Variants in FAM76B observed in about 807,000 individuals in gnomAD.
The protein encoded by FAM76B is protein FAM76B.
A neutral mutation model predicts 51.8 loss-of-function variants in FAM76B; 16 were observed. That is an observed-to-expected ratio of 0.31 (90% CI 0.21 to 0.47). FAM76B has a LOEUF of 0.47. Among genes scored for constraint, FAM76B ranks in the 20% least tolerant of loss-of-function variants. FAM76B has a pLI of 1.00. For missense variants in FAM76B, 342 were observed against 392.6 expected (o/e 0.87, Z 1.09); for synonymous variants, 166 against 129.5 (o/e 1.28, Z -1.91).
At chr11:95,780,276 T>C (rs1860197897) in intron 5 of FAM76B, among the ~76,000 whole-genome samples, 1 of 151,864 alleles carries the variant, frequency 6.6e-6, no homozygotes. Flanking sequence ...AGACACAAAA[T>C]TTGTATCTTT....
chr11:95,789,532 G>C lies in FAM76B; in HGVS notation c.-54C>G. 1 of 1,524,432 alleles carries C rather than the reference G, an allele frequency of 6.6e-7. No homozygotes were observed. Among genetic ancestry groups the C allele is most frequent in the Non-Finnish European group, 8.9e-7 (1 of 1,128,050 alleles). 94.4% of individuals were successfully genotyped at this position (1,524,432 alleles called of 1,614,324 possible). ...CGCCCGCTCCGAGGCGGGGCCCTAC[G>C]GAGAACCCGAGAGCCGCCGCCGCCC... On this transcript the variant is annotated 5_prime_UTR_variant, in exon 1 of 10. Transcript: ENST00000358780.
intron 5 of FAM76B, among the ~76,000 whole-genome samples, chr11:95,781,622 G>A (rs1591018810): frequency 6.6e-6 from 1 of 152,208 alleles, no homozygotes; most frequent in East Asian, 1.9e-4. Context: ...GACATTTTGG[G>A]AGTCTTAGAA....
intron 6 of FAM76B, 62 bp downstream of exon 6, chr11:95,779,817 G>C: frequency 1.3e-6 from 2 of 1,559,056 alleles, no homozygotes; most frequent in Non-Finnish European, 1.7e-6. Context: ...CAAAGTTGAA[G>C]GGATATCACA....
chr11:95,779,446 T>G lies in FAM76B; in HGVS notation c.692+161A>C, dbSNP rs1860154566. The G allele has an allele frequency of 5.9e-6, 4 of 678,136 alleles. No homozygotes were observed. In the East Asian group the frequency reaches 1.2e-4, roughly 21 times the overall value. The allele number at this position is 678,136 out of a possible 1,614,324, so 42.0% of individuals were successfully genotyped here. On this transcript the variant is annotated intron_variant, in intron 7 of 9. Coordinates refer to ENST00000358780, the MANE Select transcript of FAM76B (RefSeq NM_144664.5). ...AGTGCCACTTTCTTATTGCCAAAATTAAGCTAAAAATTTTAAACTAATTTA... is the reference window on the plus strand; with the variant it reads ...AGTGCCACTTTCTTATTGCCAAAATGAAGCTAAAAATTTTAAACTAATTTA...
In FAM76B at chr11:95,771,487, G is replaced by A. The variant is rs1026411909; in HGVS notation, c.*74C>T. ...TGCAAAAATATTTTTCTACTACACA[G>A]AATTTAAGGGCTTCACAGAATTTTT... is the stretch of plus-strand genomic sequence containing the variant. On this transcript the variant is annotated 3_prime_UTR_variant, in exon 10 of 10. Transcript: ENST00000358780. 4.1e-6 allele frequency: 5 copies of A among 1,214,440 alleles called. No individual in the cohort carries two copies. The highest frequency in any genetic ancestry group is 3.0e-5 in the African/African-American group (2 of 65,654). The allele number at this position is 1,214,440 out of a possible 1,614,324, so 75.2% of individuals were successfully genotyped here.
intron 9 of FAM76B, among the ~76,000 whole-genome samples, chr11:95,773,823 G>A (rs1473302283): frequency 6.6e-6 from 1 of 151,200 alleles, no homozygotes; most frequent in African/African-American, 2.4e-5. Context: ...TCAATATTTG[G>A]GGTATTTTGG....
At position 95,769,657 on chromosome 11, in the gene FAM76B, T is replaced by C. The variant is rs187736016; in HGVS notation, c.*1904A>G. On this transcript the variant is annotated 3_prime_UTR_variant, in exon 10 of 10. Coordinates refer to ENST00000358780, the MANE Select transcript of FAM76B (RefSeq NM_144664.5). ...GACAAATGGCTATGAAACAAGAATA[T>C]AAAACATTACAAATTTCAAAGAAAG... 4 of 151,756 alleles carry C rather than the reference T, an allele frequency of 2.6e-5. No homozygotes were observed. Among genetic ancestry groups the C allele is most frequent in the African/African-American group, 9.6e-5 (4 of 41,490 alleles). The allele number at this position is 151,756 out of a possible 1,614,324, so 9.4% of individuals were successfully genotyped here. A position where few individuals can be genotyped will look rare whatever the true frequency, so the allele number is the denominator to read the frequency against.
At chr11:95,776,143 T>C (rs902183802) in intron 8 of FAM76B, 120 bp from the exon 9 acceptor site, 1 of 481,692 alleles carries the variant, frequency 2.1e-6, no homozygotes, top group African/African-American at 2.0e-5. Flanking sequence ...TTAACTGCAG[T>C]TTCCTGAATT....
chr11:95,789,220 CA>C, intron 1 of FAM76B, 171 bp downstream of exon 1: 1 of 962,386 alleles, frequency 1.0e-6, no homozygotes, highest in Non-Finnish European at 1.5e-6. Context: ...GGTCCGTTCC[CA>C]GCTAATGTTC....
chr11:95,777,612 A>G (rs1267677968), intron 8 of FAM76B, among the ~76,000 whole-genome samples: 2 of 151,416 alleles, frequency 1.3e-5, no homozygotes, highest in Non-Finnish European at 3.0e-5. Context: ...AAAAAGAACC[A>G]TAAGACAAAG....
At position 95,786,167 on chromosome 11, in the gene FAM76B, C is replaced by T. The variant is rs1329503666; in HGVS notation, c.315G>A (p.Gln105=). The T allele has an allele frequency of 6.2e-7, 1 of 1,613,896 alleles. No individual in the cohort carries two copies. The highest frequency in any genetic ancestry group is 8.5e-7 in the Non-Finnish European group (1 of 1,179,868). ...KKYGPPQTCE[Q]CKQQCAFDRK... is the part of the protein sequence containing the mutation. ...GATCAAAAGCACATTGCTGTTTGCA[C>T]TGTTCACAGGTCTGAGGTGGTCCAT... Residue 105 remains glutamine, a synonymous_variant, in exon 4 of 10, where the codon CAG becomes CAA. Transcript: ENST00000358780.
chr11:95,781,774 G>C (rs1277480170), intron 5 of FAM76B, among the ~76,000 whole-genome samples: 3 of 152,234 alleles, frequency 2.0e-5, no homozygotes, highest in African/African-American at 7.2e-5. Context: ...CTTCAAAACA[G>C]CCAGAAGAGA....
chr11:95,776,080 ATTTT>A (rs1488090866), intron 8 of FAM76B, 57 bp from the exon 9 acceptor site: 1 of 871,318 alleles, frequency 1.1e-6, no homozygotes, highest in East Asian at 3.0e-5. Flanking sequence ...CACACACACC[ATTTT>A]AAATAACTTT....
chr11:95,772,487 T>C (rs1031731024), intron 9 of FAM76B, among the ~76,000 whole-genome samples: 3 of 150,744 alleles, frequency 2.0e-5, no homozygotes, highest in African/African-American at 7.3e-5. Context: ...AAAACTTAGA[T>C]AGTAAGGATC....
At chr11:95,775,835 G>T in intron 9 of FAM76B, 87 bp downstream of exon 9, 1 of 762,740 alleles carries the variant, frequency 1.3e-6, no homozygotes, top group Non-Finnish European at 2.0e-6. Context: ...ACAAAATAGG[G>T]CTACCAATAA....
intron 1 of FAM76B, chr11:95,788,969 C>T: frequency 3.0e-6 from 4 of 1,350,154 alleles, no homozygotes; most frequent in Non-Finnish European, 2.9e-6. Context: ...AGAAGGATGC[C>T]ATCAGCTTTG....
At chr11:95,774,315 T>C (rs1859902477) in intron 9 of FAM76B, among the ~76,000 whole-genome samples, 1 of 151,394 alleles carries the variant, frequency 6.6e-6, no homozygotes, top group South Asian at 2.1e-4. Flanking sequence ...TAAAATCATG[T>C]CAAAATGTCC....
At chr11:95,777,397 T>C (rs771141730) in intron 8 of FAM76B, among the ~76,000 whole-genome samples, 1 of 151,338 alleles carries the variant, frequency 6.6e-6, no homozygotes, top group Admixed American at 6.6e-5. Flanking sequence ...GTACCTCTTA[T>C]GCTAGAGAGG....
At chr11:95,783,754 A>G (rs1365918583) in intron 4 of FAM76B, among the ~76,000 whole-genome samples, 1 of 152,228 alleles carries the variant, frequency 6.6e-6, no homozygotes, top group Non-Finnish European at 1.5e-5. Flanking sequence ...ATGTATCTGT[A>G]ACCCAAAAAT....
Sources: gnomAD v4.1 joint callset for allele counts (sites outside exome capture counted in the v4.1 genomes callset) on GRCh38, gnomAD v4.1.1 for gene constraint, MANE v1.5 for transcripts, NCBI Gene and HGNC (gene_info 2026-07-23, HGNC 2026-07-21) for gene names.